The following NBAS variants were observed in gnomAD, a reference collection of about 807,000 sequenced individuals.
NBAS encodes NBAS subunit of NRZ tethering complex.
Under a neutral mutation model 302.5 loss-of-function variants are expected in NBAS, and 219 were observed. The observed-to-expected ratio is 0.72, with a 90% CI of 0.65 to 0.81. The LOEUF (loss-of-function observed/expected upper bound fraction) is 0.81. NBAS is among the 30% of genes least tolerant of loss of function. The probability of loss-of-function intolerance (pLI) is 0.00; values close to 1 mark genes in which losing one functional copy is unlikely to be tolerated. For synonymous variants in NBAS, 1,118 were observed against 1,021.6 expected, an observed-to-expected ratio of 1.09 and a Z score of -1.80; for missense variants, 2,932 against 2,841.6, an observed-to-expected ratio of 1.03 and a Z score of -0.72.
chr2:15,548,253 G>A (rs1664210620), intron 6 of NBAS, among the ~76,000 whole-genome samples: 1 of 151,602 alleles, frequency 6.6e-6, no homozygotes, highest in Non-Finnish European at 1.5e-5. Flanking sequence ...ACCGTGCTAA[G>A]CACGAAAAAA....
intron 46 of NBAS, among the ~76,000 whole-genome samples, chr2:15,233,286 G>A (rs7580728): frequency 0.068 from 10,312 of 152,136 alleles, 383 homozygotes; most frequent in East Asian, 0.12. Flanking sequence ...AATGTCTTCT[G>A]TGTGCCAAGT....
chr2:15,380,008 A>T (rs1175139899), intron 29 of NBAS, among the ~76,000 whole-genome samples, 177 bp from the exon 30 acceptor site: 1 of 152,176 alleles, frequency 6.6e-6, no homozygotes, highest in Non-Finnish European at 1.5e-5. Context: ...GAAATGGTTA[A>T]TTTTACATTA....
chr2:15,058,921 G>A, the NBAS span, among the ~76,000 whole-genome samples: 3 of 152,106 alleles, frequency 2.0e-5, no homozygotes, highest in Non-Finnish European at 2.9e-5. Context: ...TGACCTTCTT[G>A]CTCTTTAAAA....
At chr2:15,292,397 T>C in intron 41 of NBAS, 140 bp downstream of exon 41, 3 of 834,062 alleles carry the variant, frequency 3.6e-6, no homozygotes, top group Non-Finnish European at 1.9e-6. Context: ...CACATAAGAC[T>C]AGATGAAGTT....
chr2:15,247,680 C>CTA (rs745832444), intron 44 of NBAS, among the ~76,000 whole-genome samples: 58 of 149,496 alleles, frequency 3.9e-4, no homozygotes, highest in South Asian at 8.5e-4. Context: ...CTCTCTCTCT[C>CTA]TATATATATA....
chr2:15,528,878 A>AAATAT (rs555894886), intron 9 of NBAS, among the ~76,000 whole-genome samples: 1 of 121,544 alleles, frequency 8.2e-6, no homozygotes, highest in African/African-American at 3.0e-5. Flanking sequence ...AAAAAAAAAA[A>AAATAT]ATATATATAT....
chr2:15,309,457 G>T (rs950662177), intron 38 of NBAS, among the ~76,000 whole-genome samples: 1 of 152,140 alleles, frequency 6.6e-6, no homozygotes, highest in Non-Finnish European at 1.5e-5. Flanking sequence ...TATACTATTG[G>T]TTACTTACAC....
the NBAS span, among the ~76,000 whole-genome samples, chr2:15,040,061 G>C: frequency 6.6e-6 from 1 of 152,174 alleles, no homozygotes; most frequent in African/African-American, 2.4e-5. Flanking sequence ...GGATGGAATC[G>C]AGAAGGCTGC....
chr2:15,443,604 G>A (rs922409361), intron 21 of NBAS, among the ~76,000 whole-genome samples: 2 of 151,012 alleles, frequency 1.3e-5, no homozygotes, highest in African/African-American at 2.4e-5. Context: ...AGACAGGGAT[G>A]CCCTCTCTCA....
At position 15,238,418 on chromosome 2, in the gene NBAS, A is replaced by T. The variant is rs749755146; in HGVS notation, c.5943+50T>A. The T allele has an allele frequency of 1.9e-6, 3 of 1,558,870 alleles. No individual in the cohort carries two copies. The African/African-American group carries it at 4.1e-5, about 21-fold the overall frequency. On this transcript the variant is annotated intron_variant, in intron 45 of 51. Coordinates refer to ENST00000281513, the MANE Select transcript of NBAS (RefSeq NM_015909.4). ...CTAATGTAACTTTCAAGGAAAAAAG[A>T]AAGAATATACTGATACAGAGTGAGC... is the stretch of plus-strand genomic sequence containing the variant.
At chr2:14,979,573 G>C in the NBAS span, among the ~76,000 whole-genome samples, 1 of 152,172 alleles carries the variant, frequency 6.6e-6, no homozygotes, top group Non-Finnish European at 1.5e-5. Context: ...GAGGGGCAGA[G>C]CTGGGATTCA....
chr2:15,118,137 C>T, the NBAS span, among the ~76,000 whole-genome samples: 5 of 152,240 alleles, frequency 3.3e-5, no homozygotes. Flanking sequence ...CCTATCTCGA[C>T]CGTGTCAGGC....
chr2:15,364,744 G>A (rs911080968), intron 32 of NBAS, among the ~76,000 whole-genome samples: 3 of 152,032 alleles, frequency 2.0e-5, no homozygotes, highest in African/African-American at 7.2e-5. Context: ...CCAGACATGT[G>A]AGTAATGCAG....
In NBAS at chr2:15,461,320, G is replaced by A. The variant is rs371631217; in HGVS notation, c.2220C>T (p.Ala740=). Residue 740 remains alanine, a synonymous_variant, in exon 21 of 52, where the codon GCC becomes GCT. Coordinates refer to ENST00000281513, the MANE Select transcript of NBAS (RefSeq NM_015909.4). The part of the protein sequence containing the change: ...RTYAQESNVQ[A]LEILFTYHGS... Reference sequence around the variant, plus strand: ...CATGGTAAGTAAACAGAATTTCCAGGGCTTGTACATTACTTTCCTGTACAA... The same window carrying A: ...CATGGTAAGTAAACAGAATTTCCAGAGCTTGTACATTACTTTCCTGTACAA... 179 of 1,612,178 alleles carry A rather than the reference G, an allele frequency of 1.1e-4. No individual in the cohort carries two copies. Among genetic ancestry groups the A allele is most frequent in the Non-Finnish European group, 1.2e-4 (140 of 1,178,520 alleles).
chr2:14,984,974 G>A, the NBAS span, among the ~76,000 whole-genome samples: 248 of 152,138 alleles, frequency 1.6e-3, no homozygotes, highest in African/African-American at 5.8e-3. Flanking sequence ...CAATTAGGAA[G>A]GTGTCATCTT....
chr2:15,234,577 CT>C lies in NBAS; in HGVS notation c.6113del (p.Gln2038ArgfsTer5). The C allele has an allele frequency of 6.2e-7, 1 of 1,614,104 alleles. No homozygotes were observed. On this transcript the variant is annotated frameshift_variant, in exon 46 of 52. Transcript: ENST00000281513. LOFTEE classifies it high-confidence loss of function. Reference sequence around the variant, plus strand: ...CAGAAATTATTTTCATGATTGCACTCTGCACTATATCCTTGGGTGAGATGTC... The same window carrying C: ...CAGAAATTATTTTCATGATTGCACTCGCACTATATCCTTGGGTGAGATGTC... ...PLDISPKDIV[Q>X]SAIMKIISAL...
At chr2:15,362,315 CAAAAAA>C (rs951972841) in intron 32 of NBAS, among the ~76,000 whole-genome samples, 7 of 110,278 alleles carry the variant, frequency 6.3e-5, no homozygotes, top group Middle Eastern at 4.8e-3. Flanking sequence ...TCATCTCTAC[CAAAAAA>C]AAAAAAAAGA....
chr2:15,369,039 TA>T (rs1458638681), intron 31 of NBAS, among the ~76,000 whole-genome samples: 1 of 152,202 alleles, frequency 6.6e-6, no homozygotes, highest in Non-Finnish European at 1.5e-5. Flanking sequence ...TTTTCCTCAA[TA>T]TCCGCTACTA....
At chr2:15,393,441 G>A (rs1281835594) in intron 28 of NBAS, among the ~76,000 whole-genome samples, 1 of 152,038 alleles carries the variant, frequency 6.6e-6, no homozygotes, top group Non-Finnish European at 1.5e-5. Context: ...TGTTGATGAG[G>A]ATATAGAAGA....
Sources: allele counts gnomAD v4.1 joint callset (sites outside exome capture counted in the v4.1 genomes callset), GRCh38; gene constraint gnomAD v4.1.1; transcripts MANE v1.5; gene names NCBI Gene and HGNC (gene_info 2026-07-23, HGNC 2026-07-21).